CA1: variants seen among roughly 807,000 people sequenced by gnomAD.
The protein encoded by CA1 is carbonic anhydrase 1.
CA1 carries 27 observed loss-of-function variants against 28.8 expected under a neutral mutation model. The observed-to-expected ratio is 0.94, with a 90% CI of 0.69 to 1.29. CA1 has a LOEUF of 1.29. Ranked by LOEUF, CA1 falls within the 50% of genes most tolerant of loss-of-function variation. The probability of loss-of-function intolerance (pLI) is 0.00; values close to 1 mark genes in which losing one functional copy is unlikely to be tolerated. For missense variants in CA1, 335 were observed against 310.5 expected (o/e 1.08, Z -0.59); for synonymous variants, 121 against 108.8 (o/e 1.11, Z -0.70).
intron 1 of CA1, among the ~76,000 whole-genome samples, chr8:85,350,387 A>G (rs1200411253): frequency 6.6e-6 from 1 of 152,176 alleles, no homozygotes; most frequent in African/African-American, 2.4e-5. Flanking sequence ...TGCATTTCAA[A>G]ACCCCAGGGT....
intron 3 of CA1, 121 bp downstream of exon 3, chr8:85,338,131 A>T: frequency 1.1e-6 from 1 of 940,100 alleles, no homozygotes; most frequent in Non-Finnish European, 1.7e-6. Context: ...TCACTAGATT[A>T]CAGCAATGCT....
chr8:85,371,952 G>A (rs1810242559), intron 1 of CA1, among the ~76,000 whole-genome samples: 1 of 152,166 alleles, frequency 6.6e-6, no homozygotes. Context: ...CCTATGCTGG[G>A]TGTTGAGGAC....
chr8:85,348,784 CT>C (rs1446491814), intron 1 of CA1, among the ~76,000 whole-genome samples: 3 of 151,988 alleles, frequency 2.0e-5, no homozygotes, highest in African/African-American at 7.2e-5. Flanking sequence ...TATAAAATAC[CT>C]AAAAATATTT....
chr8:85,329,224 G>T (rs1006139616), intron 7 of CA1, among the ~76,000 whole-genome samples: 2 of 152,136 alleles, frequency 1.3e-5, no homozygotes, highest in African/African-American at 2.4e-5. Context: ...GTAGAGCAAT[G>T]AATGATACTT....
intron 2 of CA1, chr8:85,341,264 C>T (rs759244180): frequency 4.6e-6 from 1 of 215,480 alleles, no homozygotes; most frequent in Non-Finnish European, 9.1e-6. Context: ...TAATAGACAA[C>T]AGCATAGTGT....
At chr8:85,367,906 G>A (rs1004280022) in intron 1 of CA1, among the ~76,000 whole-genome samples, 8 of 152,068 alleles carry the variant, frequency 5.3e-5, no homozygotes, top group African/African-American at 1.9e-4. Context: ...TGCTGCGGTA[G>A]TATTTTGTAT....
At chr8:85,329,533 T>C (rs1808308338) in intron 7 of CA1, among the ~76,000 whole-genome samples, 156 bp downstream of exon 7, 1 of 152,154 alleles carries the variant, frequency 6.6e-6, no homozygotes, top group Admixed American at 6.5e-5. Context: ...TTGGATAGTT[T>C]AATAAACCTA....
intron 6 of CA1, 38 bp downstream of exon 6, chr8:85,332,452 T>G (rs1808445498): frequency 6.8e-7 from 1 of 1,469,916 alleles, no homozygotes; most frequent in East Asian, 2.3e-5. Flanking sequence ...CTGTAAATTC[T>G]TGTTCTCTGA....
chr8:85,360,951 G>A (rs1585957116), intron 1 of CA1, among the ~76,000 whole-genome samples: 1 of 152,156 alleles, frequency 6.6e-6, no homozygotes, highest in Non-Finnish European at 1.5e-5. Flanking sequence ...GAACCACCAG[G>A]CCCTGGGGAG....
chr8:85,350,712 T>C (rs1564033990), intron 1 of CA1, among the ~76,000 whole-genome samples: 1 of 152,102 alleles, frequency 6.6e-6, no homozygotes, highest in South Asian at 2.1e-4. Flanking sequence ...CAGGTTCGAG[T>C]CAATAACGCT....
intron 6 of CA1, among the ~76,000 whole-genome samples, chr8:85,330,716 A>G (rs1208501321): frequency 5.9e-5 from 9 of 152,334 alleles, no homozygotes; most frequent in African/African-American, 1.7e-4. Context: ...CAAGTTGATC[A>G]TGAGGTTTTC....
chr8:85,332,504 C>T lies in CA1; in HGVS notation c.499G>A (p.Ala167Thr), dbSNP rs774338801. The T allele has an allele frequency of 7.4e-6, 12 of 1,612,706 alleles. No individual in the cohort carries two copies. The highest frequency in any genetic ancestry group is 1.3e-5 in the African/African-American group (1 of 74,968). Reference sequence around the variant, plus strand: ...AGTGTGTTTACCTTGGTTTTAATTGCTTGGAGGGCATCAAGTACTTTCTGC... The same window carrying T: ...AGTGTGTTTACCTTGGTTTTAATTGTTTGGAGGGCATCAAGTACTTTCTGC... The part of the protein sequence containing the change: ...KLQKVLDALQ[A>T]IKTKGKRAPF... Residue 167 changes from alanine (A) to threonine (T), a missense_variant, in exon 6 of 8, where the codon GCA becomes ACA. Physicochemically the swap from Ala to Thr is moderately conservative, Grantham distance 58. Transcript: ENST00000523022.
At chr8:85,375,518 GA>G (rs11297305) in intron 1 of CA1, among the ~76,000 whole-genome samples, 61,670 of 143,576 alleles carry the variant, frequency 0.43, 15,187 homozygotes, top group Middle Eastern at 0.56. Context: ...CTTTTCTTTT[GA>G]AAAAAAAAAA....
chr8:85,355,686 C>G (rs1242503896), intron 1 of CA1, among the ~76,000 whole-genome samples: 1 of 151,494 alleles, frequency 6.6e-6, no homozygotes, highest in Admixed American at 6.6e-5. Flanking sequence ...TAGGCATGAG[C>G]CACCGTGCCT....
At chr8:85,333,340 A>C (rs1214424147) in intron 5 of CA1, among the ~76,000 whole-genome samples, 185 bp downstream of exon 5, 1 of 152,196 alleles carries the variant, frequency 6.6e-6, no homozygotes, top group Non-Finnish European at 1.5e-5. Flanking sequence ...TCTCTTTAAG[A>C]GGGAAAAGCA....
At chr8:85,350,562 T>A (rs1162727759) in intron 1 of CA1, among the ~76,000 whole-genome samples, 1 of 152,160 alleles carries the variant, frequency 6.6e-6, no homozygotes, top group Non-Finnish European at 1.5e-5. Flanking sequence ...TTGGTAAAGT[T>A]CCACATAGCC....
At chr8:85,358,665 T>TC (rs1724130543) in intron 1 of CA1, among the ~76,000 whole-genome samples, 1 of 152,178 alleles carries the variant, frequency 6.6e-6, no homozygotes, top group Admixed American at 6.5e-5. Flanking sequence ...TGTAGTCTCC[T>TC]CCCTTACTGA....
At chr8:85,341,068 C>A (rs1199386144) in intron 2 of CA1, 1 of 152,354 alleles carries the variant, frequency 6.6e-6, no homozygotes, top group Non-Finnish European at 1.5e-5. Context: ...TCACTTGAAC[C>A]TGGGAGGCAG....
intron 1 of CA1, among the ~76,000 whole-genome samples, chr8:85,366,643 G>A (rs1040226336): frequency 6.6e-6 from 1 of 152,112 alleles, no homozygotes; most frequent in African/African-American, 2.4e-5. Flanking sequence ...ATTAACAAGA[G>A]TAATTGGAAA....
Sources: allele counts gnomAD v4.1 joint callset (sites outside exome capture counted in the v4.1 genomes callset), GRCh38; gene constraint gnomAD v4.1.1; transcripts MANE v1.5; gene names NCBI Gene and HGNC (gene_info 2026-07-23, HGNC 2026-07-21).